The following PTGFRN variants were observed in gnomAD, a reference collection of about 807,000 sequenced individuals.
PTGFRN encodes prostaglandin F2 receptor negative regulator.
Under a neutral mutation model 83.2 loss-of-function variants are expected in PTGFRN, and 35 were observed. The ratio of observed to expected loss-of-function variants is 0.42; its 90% CI spans 0.32 to 0.56. The LOEUF (loss-of-function observed/expected upper bound fraction) is 0.56. Ranked by LOEUF, PTGFRN falls within the 20% of genes least tolerant of loss-of-function variation. The probability of loss-of-function intolerance (pLI) is 0.11; values close to 1 mark genes in which losing one functional copy is unlikely to be tolerated. For synonymous variants in PTGFRN, 519 were observed against 498.6 expected (o/e 1.04, Z -0.55); for missense variants, 1,051 against 1,179.5 (o/e 0.89, Z 1.60).
intron 7 of PTGFRN, among the ~76,000 whole-genome samples, chr1:116,979,948 G>T (rs1651264325): frequency 6.6e-6 from 1 of 152,144 alleles, no homozygotes; most frequent in Admixed American, 6.5e-5. Flanking sequence ...TACAGAATGG[G>T]AGAAAATTTT....
chr1:116,982,932 A>C (rs1379828258), intron 7 of PTGFRN, among the ~76,000 whole-genome samples: 1 of 152,104 alleles, frequency 6.6e-6, no homozygotes, highest in African/African-American at 2.4e-5. Context: ...GGCCCAGCCC[A>C]CCAGCTGGGG....
chr1:116,914,932 C>CA (rs1649363660), intron 1 of PTGFRN, among the ~76,000 whole-genome samples: 1 of 152,142 alleles, frequency 6.6e-6, no homozygotes, highest in South Asian at 2.1e-4. Flanking sequence ...GATTGCATAT[C>CA]AAGCGTCAGG....
At position 116,986,930 on chromosome 1, in the gene PTGFRN, G is replaced by A. The variant is rs1651509112; in HGVS notation, c.2603G>A (p.Arg868His). ...CCKKEVQETR[R>H]ERRRLMSMEM... ...AAGAAGGAGGTTCAGGAGACACGGC[G>A]CGAGCGCCGCAGGCTCATGTCGATG... Residue 868 changes from arginine (R) to histidine (H), a missense_variant, in exon 9 of 9, where the codon CGC becomes CAC. Around this residue, in one of 3 missense-constraint regions of PTGFRN, gnomAD observed 719 missense variants for 836.6 expected, o/e 0.86. Coordinates refer to ENST00000393203, the MANE Select transcript of PTGFRN (RefSeq NM_020440.4). 6.2e-6 allele frequency: 10 copies of A among 1,614,264 alleles called. No homozygotes were observed. Among genetic ancestry groups the A allele is most frequent in the South Asian group, 1.1e-5 (1 of 91,092 alleles).
rs762394325 is a variant in PTGFRN, at chr1:116,967,079, A to G, written c.1808A>G (p.Lys603Arg). The G allele has an allele frequency of 7.4e-6, 12 of 1,614,122 alleles. No individual in the cohort carries two copies. In the South Asian group the frequency reaches 1.3e-4, roughly 18 times the overall value. Residue 603 changes from lysine to arginine, a missense_variant, in exon 6 of 9, where the codon AAG becomes AGG. Lys to Arg is a conservative substitution (Grantham distance 26, BLOSUM62 2). Transcript: ENST00000393203. ...VGDLSSPNET[K>R]YIISLDQDSV... The stretch of plus-strand genomic sequence containing the variant: ...GACCTCTCCAGTCCCAATGAAACGA[A>G]GTACATCATCTCTCTGGACCAGGAT...
intron 1 of PTGFRN, among the ~76,000 whole-genome samples, chr1:116,929,581 A>G (rs1416310034): frequency 6.6e-6 from 1 of 152,046 alleles, no homozygotes; most frequent in African/African-American, 2.4e-5. Flanking sequence ...CTGTGTCTGG[A>G]GCAGTTTTGC....
At position 116,918,946 on chromosome 1, in the gene PTGFRN, C is replaced by G. The variant is rs145238608; in HGVS notation, c.49+8694C>G. The stretch of plus-strand genomic sequence containing the variant: ...GGGGCTTCCAGGCTTGATGCACCTG[C>G]AGAAGGTTTGAGGGCCTGGAGGGCA... On this transcript the variant is annotated intron_variant, in intron 1 of 8. Transcript: ENST00000393203. This position sits in a 1 kb window ranked among gnomAD's most constrained non-coding sequence, Gnocchi z 4.1. 3.3e-4 allele frequency among the ~76,000 whole-genome samples: 50 copies of G among 152,166 alleles called. No homozygotes were observed. The highest frequency in any genetic ancestry group is 1.1e-3 in the African/African-American group (47 of 41,514).
In PTGFRN at chr1:116,918,677, A is replaced by G. The variant is rs1557956899; in HGVS notation, c.49+8425A>G. Among the ~76,000 whole-genome samples the G allele has an allele frequency of 6.6e-6, 1 of 152,206 alleles. No homozygotes were observed. The highest frequency in any genetic ancestry group is 2.4e-5 in the African/African-American group (1 of 41,446). ...GGAGAGTGGGCTGGGGCTGGACCCC[A>G]CGGGAATGTGACAGTCATTCAGTTA... On this transcript the variant is annotated intron_variant, in intron 1 of 8. Coordinates refer to ENST00000393203, the MANE Select transcript of PTGFRN (RefSeq NM_020440.4). The surrounding 1 kb of genome is among the most constrained non-coding windows in gnomAD (Gnocchi z 4.1).
rs187710236 is a variant in PTGFRN at position 116,989,734 on chromosome 1, T to C, written c.*2767T>C. 1.3e-5 allele frequency: 2 copies of C among 152,790 alleles called. No individual in the cohort carries two copies. Among genetic ancestry groups the C allele is most frequent in the African/African-American group, 4.8e-5 (2 of 41,580 alleles). 9.5% of individuals were successfully genotyped at this position (152,790 alleles called of 1,614,324 possible). A position where few individuals can be genotyped will look rare whatever the true frequency, so the allele number is the denominator to read the frequency against. ...TGAAAAAAAATGCAAATCGACTTTT[T>C]AACAACTGTTGAGATGTTTCATGGG... On this transcript the variant is annotated 3_prime_UTR_variant, in exon 9 of 9. Coordinates refer to ENST00000393203, the MANE Select transcript of PTGFRN (RefSeq NM_020440.4).
chr1:116,977,136 A>G (rs1032987708), intron 7 of PTGFRN, among the ~76,000 whole-genome samples: 1 of 152,348 alleles, frequency 6.6e-6, no homozygotes, highest in South Asian at 2.1e-4. Flanking sequence ...AGGCCATTAC[A>G]TAATGGTAAA....
intron 1 of PTGFRN, among the ~76,000 whole-genome samples, chr1:116,922,941 T>G (rs1254389347): frequency 6.6e-6 from 1 of 152,194 alleles, no homozygotes; most frequent in Non-Finnish European, 1.5e-5. Context: ...GGATTTCAAG[T>G]AAAGCCTCAT....
chr1:116,969,485 T>C (rs1650933834), intron 6 of PTGFRN, among the ~76,000 whole-genome samples: 1 of 152,232 alleles, frequency 6.6e-6, no homozygotes, highest in African/African-American at 2.4e-5. Flanking sequence ...CAATATCACA[T>C]GGTTTGATTA....
chr1:116,930,507 G>T (rs1028260761), intron 1 of PTGFRN, among the ~76,000 whole-genome samples: 2 of 152,088 alleles, frequency 1.3e-5, no homozygotes, highest in African/African-American at 2.4e-5. Flanking sequence ...ATCTTCTAGG[G>T]GTTTCCATTC....
intron 4 of PTGFRN, among the ~76,000 whole-genome samples, chr1:116,957,992 C>T (rs1221464238): frequency 6.6e-6 from 1 of 151,782 alleles, no homozygotes; most frequent in African/African-American, 2.4e-5. Context: ...TGTATATATA[C>T]CATATTTTTT....
chr1:116,967,373 G>A (rs777473639), intron 6 of PTGFRN, 43 bp downstream of exon 6: 1 of 1,557,000 alleles, frequency 6.4e-7, no homozygotes, highest in South Asian at 1.2e-5. Context: ...AGCTAGAAGA[G>A]ACCCTAGGGT....
chr1:116,985,751 G>C (rs569161332), intron 8 of PTGFRN, among the ~76,000 whole-genome samples: 11 of 151,800 alleles, frequency 7.2e-5, no homozygotes, highest in Non-Finnish European at 1.2e-4. Context: ...GTGGCACAGA[G>C]TGGGTACTTC....
intron 4 of PTGFRN, among the ~76,000 whole-genome samples, chr1:116,960,136 A>G (rs1449932681): frequency 2.0e-5 from 3 of 152,206 alleles, no homozygotes; most frequent in Admixed American, 6.5e-5. Flanking sequence ...ACTGGCATAC[A>G]AAAGTGCATA....
intron 1 of PTGFRN, among the ~76,000 whole-genome samples, chr1:116,936,507 G>A (rs1292868412): frequency 6.6e-6 from 1 of 152,220 alleles, no homozygotes; most frequent in East Asian, 1.9e-4. Flanking sequence ...ATGAAGGAAG[G>A]AGTACCTAAG....
chr1:116,935,504 G>A (rs911560664), intron 1 of PTGFRN, among the ~76,000 whole-genome samples: 4 of 152,010 alleles, frequency 2.6e-5, no homozygotes. Context: ...AGGGGGTGGG[G>A]AGTGATCTGA....
rs1369908346 is a variant in PTGFRN at position 116,989,820 on chromosome 1, G to T, written c.*2853G>T. On this transcript the variant is annotated 3_prime_UTR_variant, in exon 9 of 9. Transcript: ENST00000393203. Reference sequence around the variant, plus strand: ...TTAATTTAAAAATGTATTTATTTGAGTGTCTTTCCCCCCCTCACCCTCACC... The same window carrying T: ...TTAATTTAAAAATGTATTTATTTGATTGTCTTTCCCCCCCTCACCCTCACC... 1 of 152,550 alleles carries T rather than the reference G, an allele frequency of 6.6e-6. No individual in the cohort carries two copies. The highest frequency in any genetic ancestry group is 6.5e-5 in the Admixed American group (1 of 15,282). The allele number at this position is 152,550 out of a possible 1,614,324, so 9.4% of individuals were successfully genotyped here. A position where few individuals can be genotyped will look rare whatever the true frequency, so the allele number is the denominator to read the frequency against.
Sources: gnomAD v4.1 joint callset for allele counts (sites outside exome capture counted in the v4.1 genomes callset) on GRCh38, gnomAD v4.1.1 for gene constraint, gnomAD v4.1.1 regional missense constraint, Gnocchi (gnomAD v3.1) non-coding constraint, MANE v1.5 for transcripts, NCBI Gene and HGNC (gene_info 2026-07-23, HGNC 2026-07-21) for gene names.